ADAM22: variants seen among roughly 807,000 people sequenced by gnomAD.
ADAM22 encodes disintegrin and metalloproteinase domain-containing protein 22.
In ADAM22, 65 loss-of-function variants were observed where a neutral mutation model predicts 144.6. The observed-to-expected ratio is 0.45, with a 90% CI of 0.37 to 0.55. ADAM22 has a LOEUF of 0.55. ADAM22 is among the 20% of genes least tolerant of loss of function. The pLI is 0.00. For missense variants in ADAM22, 974 were observed against 1,184.9 expected (o/e 0.82, Z 2.61); for synonymous variants, 391 against 412.6 (o/e 0.95, Z 0.63).
chr7:88,015,567 A>G (rs1434170359), intron 3 of ADAM22, among the ~76,000 whole-genome samples: 1 of 152,192 alleles, frequency 6.6e-6, no homozygotes, highest in African/African-American at 2.4e-5. Context: ...TGCATTCATG[A>G]AACTGGAGGA....
intron 31 of ADAM22, among the ~76,000 whole-genome samples, chr7:88,195,446 C>T (rs568919328): frequency 6.6e-6 from 1 of 152,168 alleles, no homozygotes; most frequent in Non-Finnish European, 1.5e-5. Flanking sequence ...AATGAAGGGA[C>T]ATCCTGCCTT....
At chr7:88,142,943 C>T (rs1835233662) in intron 14 of ADAM22, 83 bp from the exon 15 acceptor site, 3 of 787,826 alleles carry the variant, frequency 3.8e-6, no homozygotes, top group African/African-American at 1.7e-5. Context: ...GAGTAATATA[C>T]AATTTTAAGT....
chr7:88,003,574 A>G (rs965350556), intron 3 of ADAM22, among the ~76,000 whole-genome samples: 2 of 152,238 alleles, frequency 1.3e-5, no homozygotes, highest in African/African-American at 4.8e-5. Flanking sequence ...CAGAATTAAG[A>G]AAGATATTGT....
intron 4 of ADAM22, among the ~76,000 whole-genome samples, chr7:88,079,915 A>T (rs1585515335): frequency 6.6e-6 from 1 of 152,176 alleles, no homozygotes; most frequent in South Asian, 2.1e-4. Context: ...TTAACACCCC[A>T]CTGTCAACAT....
At chr7:88,131,231 C>T (rs1032010557) in intron 10 of ADAM22, 38 bp from the exon 11 acceptor site, 3 of 1,558,890 alleles carry the variant, frequency 1.9e-6, no homozygotes, top group Non-Finnish European at 2.6e-6. Flanking sequence ...GATTTTACCA[C>T]ATGTACAGCT....
intron 2 of ADAM22, among the ~76,000 whole-genome samples, chr7:87,952,074 A>T (rs1845377786): frequency 6.6e-6 from 1 of 151,430 alleles, no homozygotes; most frequent in Non-Finnish European, 1.5e-5. Flanking sequence ...ATATACAATC[A>T]TGTCATCTGC....
chr7:88,113,193 CAT>C (rs1242887094), intron 5 of ADAM22, among the ~76,000 whole-genome samples: 1 of 126,682 alleles, frequency 7.9e-6, no homozygotes, highest in Non-Finnish European at 1.6e-5. Flanking sequence ...TGTTAAATGA[CAT>C]GTCCATTTTT....
At chr7:87,952,143 T>G (rs1845394449) in intron 2 of ADAM22, among the ~76,000 whole-genome samples, 1 of 151,986 alleles carries the variant, frequency 6.6e-6, no homozygotes, top group Non-Finnish European at 1.5e-5. Flanking sequence ...TTCCTTCTTC[T>G]GCCTAATTGC....
chr7:88,128,090 G>C (rs781633196), intron 8 of ADAM22, among the ~76,000 whole-genome samples: 17 of 151,886 alleles, frequency 1.1e-4, no homozygotes, highest in Non-Finnish European at 1.8e-4. Flanking sequence ...CCAGTTTGGA[G>C]ATTAAATAAT....
intron 2 of ADAM22, among the ~76,000 whole-genome samples, chr7:87,967,003 A>G (rs531430191): frequency 1.3e-5 from 2 of 152,058 alleles, no homozygotes; most frequent in South Asian, 2.1e-4. Context: ...TTCTCATGAT[A>G]GTGAGTGAGT....
Position 88,054,588 on chromosome 7 carries a change from CTGTGTGTGTGTG to C in ADAM22, c.324-21005_324-20994del, listed in dbSNP as rs58027941. 6.2e-3 allele frequency among the ~76,000 whole-genome samples: 819 copies of C among 132,282 alleles called. 3 individuals carry two copies. The highest frequency in any genetic ancestry group is 0.01 in the South Asian group (37 of 3,646). The allele number at this position is 132,282 out of a possible 152,430, so 86.8% of individuals were successfully genotyped here. A position where few individuals can be genotyped will look rare whatever the true frequency, so the allele number is the denominator to read the frequency against. ...TTTCCAGGCCTGATTAGGTGCCCTCCTGTGTGTGTGTGTGTGTGTGTGTGTGTGTGTGTGTGT... is the reference window on the plus strand; with the variant it reads ...TTTCCAGGCCTGATTAGGTGCCCTCCTGTGTGTGTGTGTGTGTGTGTGTGT... On this transcript the variant is annotated intron_variant, in intron 3 of 31. Transcript: ENST00000413139.
rs945760179 is a variant in ADAM22 at position 88,182,020 on chromosome 7, A to G, written c.2659A>G (p.Thr887Ala). The change falls in exon 29 of 32, where the codon ACT becomes GCT. Residue 887 changes from threonine to alanine, a missense_variant. Thr to Ala is a moderately conservative substitution (Grantham distance 58, BLOSUM62 0). Transcript: ENST00000413139. ...AAGATTTAGACCTCGGTCTAATTCA[A>G]CTGAGTAAGTCTGAACCTCTAATGG... ...GKRFRPRSNS[T>A]EYLNPWFKRD... 7 of 1,613,636 alleles carry G rather than the reference A, an allele frequency of 4.3e-6. No homozygotes were observed. Among genetic ancestry groups the G allele is most frequent in the African/African-American group, 1.3e-5 (1 of 75,060 alleles).
intron 26 of ADAM22, among the ~76,000 whole-genome samples, 168 bp from the exon 27 acceptor site, chr7:88,178,767 G>C (rs930012164): frequency 1.3e-5 from 2 of 152,076 alleles, no homozygotes; most frequent in East Asian, 1.9e-4. Context: ...TCTACAGTTA[G>C]AATGACTTTA....
intron 8 of ADAM22, among the ~76,000 whole-genome samples, chr7:88,127,950 G>A (rs1408232061): frequency 6.6e-6 from 1 of 151,932 alleles, no homozygotes; most frequent in African/African-American, 2.4e-5. Flanking sequence ...AAACTTGTTG[G>A]TGAGCAGAGA....
intron 21 of ADAM22, among the ~76,000 whole-genome samples, chr7:88,155,227 A>G (rs1219443722): frequency 2.6e-5 from 4 of 151,948 alleles, no homozygotes; most frequent in Non-Finnish European, 4.4e-5. Flanking sequence ...TCAATTACCA[A>G]TTAAAAAAAA....
chr7:88,134,327 A>G lies in ADAM22; in HGVS notation c.1078-2A>G. The stretch of plus-strand genomic sequence containing the variant: ...TATTTTATTTTTGTTTTTGTTTTTC[A>G]GTTTGGGAAAACTGATTTAATGGCT... On this transcript the variant is annotated splice_acceptor_variant, in intron 12 of 31. Transcript: ENST00000413139. LOFTEE classifies it high-confidence loss of function. 1 of 1,600,100 alleles carries G rather than the reference A, an allele frequency of 6.2e-7. No homozygotes were observed. The highest frequency in any genetic ancestry group is 8.5e-7 in the Non-Finnish European group (1 of 1,175,014).
In ADAM22 at chr7:87,949,206, G is replaced by C. The variant is rs890643111; in HGVS notation, c.246+14020G>C. ...GTTGGTATGGCCGGGCTCTCAAGGT[G>C]AGTGTTTGAATTGAAGTAGCTGTCC... On this transcript the variant is annotated intron_variant, in intron 2 of 31. Transcript: ENST00000413139. 2.4e-4 allele frequency among the ~76,000 whole-genome samples: 36 copies of C among 152,138 alleles called. 1 individual carries two copies. In the Middle Eastern group the frequency reaches 9.5e-3, roughly 40 times the overall value.
chr7:88,051,453 A>T (rs544569988), intron 3 of ADAM22, among the ~76,000 whole-genome samples: 2 of 152,264 alleles, frequency 1.3e-5, no homozygotes, highest in Non-Finnish European at 2.9e-5. Context: ...TCACAAGGAC[A>T]GAAAACCAGA....
At chr7:88,155,854 G>A (rs1462484888) in intron 21 of ADAM22, 33 bp from the exon 22 acceptor site, 1 of 1,606,242 alleles carries the variant, frequency 6.2e-7, no homozygotes, top group Non-Finnish European at 8.5e-7. Flanking sequence ...TATATATTTG[G>A]GAAAAGAAGT....
Sources: allele counts gnomAD v4.1 joint callset (sites outside exome capture counted in the v4.1 genomes callset), GRCh38; gene constraint gnomAD v4.1.1; transcripts MANE v1.5; gene names NCBI Gene and HGNC (gene_info 2026-07-23, HGNC 2026-07-21).